PRDM16: variants seen among roughly 807,000 people sequenced by gnomAD.
The protein encoded by PRDM16 is histone-lysine N-methyltransferase PRDM16.
PRDM16 carries 23 observed loss-of-function variants against 110.6 expected under a neutral mutation model. The ratio of observed to expected loss-of-function variants is 0.21; its 90% CI spans 0.15 to 0.29. PRDM16 has a LOEUF of 0.29. PRDM16 is among the 10% of genes least tolerant of loss of function. The pLI, the probability that PRDM16 is intolerant of heterozygous loss-of-function variation, is 1.00. For synonymous variants in PRDM16, 799 were observed against 781.8 expected, an observed-to-expected ratio of 1.02 and a Z score of -0.37; for missense variants, 1,615 against 1,794.3, an observed-to-expected ratio of 0.90 and a Z score of 1.81.
intron 14 of PRDM16, among the ~76,000 whole-genome samples, chr1:3,426,462 T>C (rs535515786): frequency 6.6e-6 from 1 of 152,240 alleles, no homozygotes; most frequent in East Asian, 1.9e-4. Context: ...CCTGGGCTTA[T>C]GACCTCACTG....
At chr1:3,326,266 A>G (rs916897436) in intron 3 of PRDM16, among the ~76,000 whole-genome samples, 1 of 152,212 alleles carries the variant, frequency 6.6e-6, no homozygotes, top group African/African-American at 2.4e-5. Context: ...CTGTCTTCAC[A>G]TGAGCACTTC....
chr1:3,199,763 G>A (rs959638010), intron 2 of PRDM16, among the ~76,000 whole-genome samples: 4 of 152,100 alleles, frequency 2.6e-5, no homozygotes, highest in African/African-American at 7.2e-5. Flanking sequence ...GGGGCCCTCC[G>A]GGACAGGACG....
At chr1:3,313,009 A>G (rs1457203483) in intron 3 of PRDM16, among the ~76,000 whole-genome samples, 1 of 152,202 alleles carries the variant, frequency 6.6e-6, no homozygotes, top group Non-Finnish European at 1.5e-5. Context: ...TTGCCTACGA[A>G]GGGGCCGTGT....
intron 1 of PRDM16, among the ~76,000 whole-genome samples, chr1:3,071,743 G>A (rs1234877433): frequency 6.6e-6 from 1 of 152,212 alleles, no homozygotes; most frequent in African/African-American, 2.4e-5. Flanking sequence ...GGACTGTGGG[G>A]TTGGGCAGGG....
intron 1 of PRDM16, among the ~76,000 whole-genome samples, chr1:3,118,141 A>T (rs552899783): frequency 3.4e-5 from 5 of 148,464 alleles, no homozygotes; most frequent in Non-Finnish European, 6.0e-5. Context: ...GTGTACATGC[A>T]TGTGTGTGCA....
intron 12 of PRDM16, 49 bp downstream of exon 12, chr1:3,418,793 G>A: frequency 7.1e-7 from 1 of 1,415,466 alleles, no homozygotes; most frequent in Non-Finnish European, 1.0e-6. Context: ...CTGCCTCCGT[G>A]CACCGCTGAC....
intron 12 of PRDM16, among the ~76,000 whole-genome samples, chr1:3,419,850 G>A (rs1411714147): frequency 1.3e-5 from 2 of 151,954 alleles, no homozygotes; most frequent in South Asian, 4.2e-4. Context: ...GTCCCAACTC[G>A]CAGGGTAAAT....
intron 1 of PRDM16, among the ~76,000 whole-genome samples, chr1:3,180,652 C>T (rs902079717): frequency 1.1e-4 from 15 of 142,090 alleles, no homozygotes; most frequent in African/African-American, 4.0e-4. Context: ...CATTCGCTGC[C>T]TTGCCCTTGA....
In PRDM16 at chr1:3,437,756, T is replaced by A. The variant is rs994653203; in HGVS notation, c.*3945T>A. 60 of 210,442 alleles carry A rather than the reference T, an allele frequency of 2.9e-4. No individual in the cohort carries two copies. Among genetic ancestry groups the A allele is most frequent in the African/African-American group, 5.2e-4 (23 of 44,068 alleles). 13.0% of individuals were successfully genotyped at this position (210,442 alleles called of 1,614,324 possible). A position where few individuals can be genotyped will look rare whatever the true frequency, so the allele number is the denominator to read the frequency against. ...CCGTATTACCACTTTTGGAAAAAAA[T>A]AAATAAATAAATAAATAAAAGGCAG... On this transcript the variant is annotated 3_prime_UTR_variant, in exon 17 of 17. Coordinates refer to ENST00000270722, the MANE Select transcript of PRDM16 (RefSeq NM_022114.4).
intron 1 of PRDM16, among the ~76,000 whole-genome samples, chr1:3,123,104 T>A (rs939710258): frequency 6.6e-6 from 1 of 152,194 alleles, no homozygotes; most frequent in African/African-American, 2.4e-5. Context: ...GATGCGTGGT[T>A]GCTGTGTCGG....
intron 2 of PRDM16, among the ~76,000 whole-genome samples, chr1:3,204,010 C>G (rs77733625): frequency 1.3e-5 from 2 of 152,124 alleles, no homozygotes; most frequent in Non-Finnish European, 2.9e-5. Flanking sequence ...TCTGCGGACT[C>G]GAAGGGGACC....
chr1:3,391,790 AC>A (rs1429451838), intron 4 of PRDM16, among the ~76,000 whole-genome samples: 1 of 152,240 alleles, frequency 6.6e-6, no homozygotes, highest in Non-Finnish European at 1.5e-5. Flanking sequence ...GCCGCTCAGC[AC>A]GGAGGAAGCC....
At chr1:3,225,573 T>TGTGTGTGTGTGTGTGTGC (rs1336272072) in intron 2 of PRDM16, among the ~76,000 whole-genome samples, 2 of 129,804 alleles carry the variant, frequency 1.5e-5, no homozygotes, top group African/African-American at 5.3e-5. Context: ...TGTGTGTGTG[T>TGTGTGTGTGTGTGTGTGC]GCGCGCGCGC....
rs1324324331 is a variant in PRDM16, at chr1:3,213,264, T to C, written c.387+26790T>C. ...ATGGAGAAGAAACCACCTTCCCAAA[T>C]CTTTATGAATTAAACATGGCATGTC... On this transcript the variant is annotated intron_variant, in intron 2 of 16. Transcript: ENST00000270722. The surrounding 1 kb of genome is among the most constrained non-coding windows in gnomAD (Gnocchi z 5.3). 6.6e-6 allele frequency among the ~76,000 whole-genome samples: 1 copy of C among 152,020 alleles called. No individual in the cohort carries two copies. The highest frequency in any genetic ancestry group is 1.5e-5 in the Non-Finnish European group (1 of 68,030).
chr1:3,072,155 A>G (rs1307833315), intron 1 of PRDM16, among the ~76,000 whole-genome samples: 2 of 152,174 alleles, frequency 1.3e-5, no homozygotes, highest in Non-Finnish European at 2.9e-5. Context: ...CCAGGGCGGT[A>G]GGGCCGGTGG....
chr1:3,305,788 C>T (rs1268140072), intron 3 of PRDM16, among the ~76,000 whole-genome samples: 2 of 152,378 alleles, frequency 1.3e-5, no homozygotes, highest in East Asian at 1.9e-4. Context: ...CTGGCAGCTT[C>T]GCCTATCAGA....
intron 9 of PRDM16, among the ~76,000 whole-genome samples, chr1:3,413,570 C>T (rs972913482): frequency 2.0e-5 from 3 of 152,164 alleles, no homozygotes; most frequent in Non-Finnish European, 4.4e-5. Flanking sequence ...CTGTGCTCCC[C>T]GCTTCGCCAT....
chr1:3,385,094 T>C, intron 3 of PRDM16, 58 bp from the exon 4 acceptor site: 1 of 1,601,470 alleles, frequency 6.2e-7, no homozygotes, highest in Non-Finnish European at 8.5e-7. Context: ...GCAGAGGCTG[T>C]GTGCAGACTC....
intron 3 of PRDM16, among the ~76,000 whole-genome samples, chr1:3,262,789 TG>T (rs1640191391): frequency 6.6e-6 from 1 of 151,870 alleles, no homozygotes; most frequent in Non-Finnish European, 1.5e-5. Context: ...GGACGACACC[TG>T]CGGGGTGCTG....
Sources: gnomAD v4.1 joint callset for allele counts (sites outside exome capture counted in the v4.1 genomes callset) on GRCh38, gnomAD v4.1.1 for gene constraint, Gnocchi (gnomAD v3.1) non-coding constraint, MANE v1.5 for transcripts, NCBI Gene and HGNC (gene_info 2026-07-23, HGNC 2026-07-21) for gene names.